Variants in ATP2C2 observed in about 807,000 individuals in gnomAD.
ATP2C2 encodes the protein ATPase secretory pathway Ca2+ transporting 2.
ATP2C2 carries 171 observed loss-of-function variants against 110.8 expected under a neutral mutation model. The observed-to-expected ratio is 1.54, with a 90% CI of 1.36 to 1.75. The LOEUF (loss-of-function observed/expected upper bound fraction) is 1.75, where lower values mean the gene tolerates loss of function less well. ATP2C2 is among the 40% of genes most tolerant of loss of function. The probability of loss-of-function intolerance (pLI) is 0.00; values close to 1 mark genes in which losing one functional copy is unlikely to be tolerated. For synonymous variants in ATP2C2, 804 were observed against 508.4 expected (o/e 1.58, Z -7.82); for missense variants, 1,963 against 1,235.0 (o/e 1.59, Z -8.84).
intron 15 of ATP2C2, among the ~76,000 whole-genome samples, chr16:84,445,443 C>T (rs1414281446): frequency 2.0e-5 from 3 of 152,116 alleles, no homozygotes; most frequent in African/African-American, 4.8e-5. Context: ...CTCCTCACCC[C>T]GTGATCCACC....
At chr16:84,454,724 C>T in intron 20 of ATP2C2, 94 bp from the exon 21 acceptor site, 3 of 1,337,230 alleles carry the variant, frequency 2.2e-6, no homozygotes, top group Non-Finnish European at 3.0e-6. Context: ...GCCCTCCAGA[C>T]AGAGGTGTCT....
chr16:84,428,547 C>CA (rs1038179276), intron 11 of ATP2C2, among the ~76,000 whole-genome samples: 148 of 151,386 alleles, frequency 9.8e-4, no homozygotes, highest in African/African-American at 3.2e-3. Flanking sequence ...TGAGAGCACA[C>CA]AAAAAAAACA....
intron 1 of ATP2C2, among the ~76,000 whole-genome samples, chr16:84,374,510 G>A (rs956559689): frequency 1.1e-4 from 16 of 152,150 alleles, no homozygotes; most frequent in African/African-American, 3.1e-4. Context: ...CTGAGAATAC[G>A]TCTGAAGATG....
chr16:84,414,758 G>A (rs1906683254), intron 6 of ATP2C2, among the ~76,000 whole-genome samples: 3 of 152,180 alleles, frequency 2.0e-5, no homozygotes, highest in African/African-American at 4.8e-5. Flanking sequence ...GCGTTTAAGG[G>A]GGCTGGATGG....
chr16:84,451,837 A>C, intron 17 of ATP2C2, 84 bp from the exon 18 acceptor site: 1 of 1,304,004 alleles, frequency 7.7e-7, no homozygotes, highest in Non-Finnish European at 1.1e-6. Context: ...AAACTCTCTT[A>C]AAAAACAACA....
chr16:84,388,602 G>C (rs1225501513), intron 1 of ATP2C2, among the ~76,000 whole-genome samples: 1 of 152,198 alleles, frequency 6.6e-6, no homozygotes, highest in Non-Finnish European at 1.5e-5. Flanking sequence ...GGAAGCATCT[G>C]CCTGAGTGTG....
At chr16:84,426,016 G>T (rs1368547831) in intron 11 of ATP2C2, 1 of 583,026 alleles carries the variant, frequency 1.7e-6, no homozygotes, top group African/African-American at 1.9e-5. Flanking sequence ...AATGATCCAG[G>T]GTGTCCCTTT....
rs773598307 is a variant in ATP2C2, at chr16:84,460,628, A to C, written c.2334-26A>C. On this transcript the variant is annotated intron_variant, in intron 23 of 26. Coordinates refer to ENST00000262429, the MANE Select transcript of ATP2C2 (RefSeq NM_014861.4). ...TTTATTTCATTCCTGGTTCATTTCA[A>C]AGTGTCTGTGTCTTGTTCGGAGCAG... The C allele has an allele frequency of 8.7e-6, 14 of 1,613,962 alleles. No individual in the cohort carries two copies. In the African/African-American group the frequency reaches 1.7e-4, roughly 20 times the overall value.
At chr16:84,398,181 C>T (rs1905106871) in intron 1 of ATP2C2, among the ~76,000 whole-genome samples, 2 of 152,024 alleles carry the variant, frequency 1.3e-5, no homozygotes, top group African/African-American at 4.8e-5. Flanking sequence ...GCAAGCGGAT[C>T]ACCTGAGGTC....
At chr16:84,461,657 T>G (rs1163618197) in intron 24 of ATP2C2, 57 bp from the exon 25 acceptor site, 1 of 1,510,790 alleles carries the variant, frequency 6.6e-7, no homozygotes, top group African/African-American at 1.4e-5. Flanking sequence ...GCCCTTTGGT[T>G]CAGGATGGAG....
At chr16:84,412,323 T>C (rs987157637) in intron 6 of ATP2C2, among the ~76,000 whole-genome samples, 7 of 88,554 alleles carry the variant, frequency 7.9e-5, no homozygotes, top group South Asian at 2.8e-4. Context: ...CACGTGTGTG[T>C]GCGTGTGTGT....
intron 11 of ATP2C2, among the ~76,000 whole-genome samples, chr16:84,435,591 T>G (rs1765319722): frequency 6.6e-6 from 1 of 152,202 alleles, no homozygotes; most frequent in Non-Finnish European, 1.5e-5. Flanking sequence ...TTGGGAATGC[T>G]GAGGAGGGAG....
At chr16:84,441,066 C>G (rs1909212454) in intron 14 of ATP2C2, 108 bp downstream of exon 14, 25 of 960,716 alleles carry the variant, frequency 2.6e-5, no homozygotes, top group Non-Finnish European at 3.9e-5. Flanking sequence ...TTGACAATGA[C>G]TGGCCCATCC....
At chr16:84,371,918 G>A (rs1418281276) in intron 1 of ATP2C2, among the ~76,000 whole-genome samples, 1 of 152,250 alleles carries the variant, frequency 6.6e-6, no homozygotes, top group African/African-American at 2.4e-5. Flanking sequence ...ATCCCAACCA[G>A]GAGGCAGAGA....
intron 11 of ATP2C2, 90 bp downstream of exon 11, chr16:84,425,891 A>C: frequency 6.7e-7 from 1 of 1,498,872 alleles, no homozygotes; most frequent in Non-Finnish European, 9.3e-7. Context: ...GGGAGGCTGC[A>C]GAATAGGAAG....
At chr16:84,417,512 A>C (rs143866668) in intron 7 of ATP2C2, among the ~76,000 whole-genome samples, 1 of 152,170 alleles carries the variant, frequency 6.6e-6, no homozygotes, top group Non-Finnish European at 1.5e-5. Flanking sequence ...TTATCGTTCT[A>C]TACAACGGTT....
chr16:84,458,299 T>A (rs1321919733), intron 21 of ATP2C2, among the ~76,000 whole-genome samples: 2 of 102,440 alleles, frequency 2.0e-5, no homozygotes, highest in African/African-American at 7.8e-5. Flanking sequence ...AACAATGAGA[T>A]CACATGGACA....
chr16:84,416,893 T>C (rs1011938846), intron 7 of ATP2C2, among the ~76,000 whole-genome samples: 1 of 149,884 alleles, frequency 6.7e-6, no homozygotes, highest in African/African-American at 2.5e-5. Flanking sequence ...GGCTCACATT[T>C]TCCACGTTTT....
At position 84,451,994 on chromosome 16, in the gene ATP2C2, G is replaced by C. The variant is rs187525642; in HGVS notation, c.1734G>C (p.Pro578=). Residue 578 remains proline (P), a synonymous_variant, in exon 18 of 27, where the codon CCG becomes CCC. Transcript: ENST00000262429. ...FLGLVGIIDP[P]RVGVKEAVQV... is the part of the protein sequence containing the mutation. ...GTCTTGTGGGCATCATTGACCCCCC[G>C]AGAGTTGGCGTGAAGGAAGCAGTCC... is the stretch of plus-strand genomic sequence containing the variant. The C allele has an allele frequency of 3.1e-6, 5 of 1,613,974 alleles. No homozygotes were observed. The South Asian group carries it at 5.5e-5, about 18-fold the overall frequency.
Sources: allele counts gnomAD v4.1 joint callset (sites outside exome capture counted in the v4.1 genomes callset), GRCh38; gene constraint gnomAD v4.1.1; transcripts MANE v1.5; gene names NCBI Gene and HGNC (gene_info 2026-07-23, HGNC 2026-07-21).